Variants in ASAH2 observed in about 807,000 individuals in gnomAD.
The protein encoded by ASAH2 is N-acylsphingosine amidohydrolase 2.
Under a neutral mutation model 82.9 loss-of-function variants are expected in ASAH2, and 58 were observed. That is an observed-to-expected ratio of 0.70 (90% CI 0.57 to 0.87). The LOEUF (loss-of-function observed/expected upper bound fraction) is 0.87, where lower values mean the gene tolerates loss of function less well. Among genes scored for constraint, ASAH2 ranks in the 40% least tolerant of loss-of-function variants. The probability of loss-of-function intolerance (pLI) is 0.00; values close to 1 mark genes in which losing one functional copy is unlikely to be tolerated. For missense variants in ASAH2, 779 were observed against 834.0 expected (o/e 0.93, Z 0.81); for synonymous variants, 276 against 289.7 (o/e 0.95, Z 0.48).
At chr10:50,225,400 A>T (rs2133218317) in intron 7 of ASAH2, among the ~76,000 whole-genome samples, 1 of 152,338 alleles carries the variant, frequency 6.6e-6, no homozygotes, top group East Asian at 1.9e-4. Context: ...GCTGGGCGAC[A>T]GGGCGAGACT....
In ASAH2 at chr10:50,245,104, A is replaced by C. The variant is rs1589360950; in HGVS notation, c.360+118T>G. The C allele has an allele frequency of 1.4e-5, 13 of 943,030 alleles. No homozygotes were observed. In the East Asian group the frequency reaches 3.1e-4, roughly 23 times the overall value. 58.4% of individuals were successfully genotyped at this position (943,030 alleles called of 1,614,324 possible). On this transcript the variant is annotated intron_variant, in intron 3 of 20. Transcript: ENST00000682911. ...CATAGTGCTAGACAGCAGCAAGGTC[A>C]ATTAAAAAGCTAAAAGAAGATAATG...
chr10:50,201,162 C>T (rs1845138798), intron 16 of ASAH2, among the ~76,000 whole-genome samples: 1 of 151,990 alleles, frequency 6.6e-6, no homozygotes, highest in Non-Finnish European at 1.5e-5. Context: ...CTTCCCACAC[C>T]ATCCCCTTTC....
At chr10:50,206,897 C>T (rs1348817408) in intron 12 of ASAH2, among the ~76,000 whole-genome samples, 1 of 151,836 alleles carries the variant, frequency 6.6e-6, no homozygotes, top group African/African-American at 2.4e-5. Context: ...TTCTCACGTG[C>T]ACATGAAATA....
At chr10:50,196,229 T>C (rs1259663103) in intron 18 of ASAH2, among the ~76,000 whole-genome samples, 4 of 151,764 alleles carry the variant, frequency 2.6e-5, no homozygotes, top group African/African-American at 9.7e-5. Context: ...CTATTGAAGG[T>C]TCTAGCCAGT....
chr10:50,225,855 C>T (rs1845869113), intron 7 of ASAH2, among the ~76,000 whole-genome samples: 1 of 152,080 alleles, frequency 6.6e-6, no homozygotes, highest in African/African-American at 2.4e-5. Context: ...CTTTGGGAGG[C>T]CGAGGCGGGC....
chr10:50,202,939 T>C lies in ASAH2; in HGVS notation c.1666-15A>G, dbSNP rs1316586196. ...GATGCAAATTCCTAGGAGAGAAAGGTAAAACCCAATAAAATTACTCTTCAT... is the reference window on the plus strand; with the variant it reads ...GATGCAAATTCCTAGGAGAGAAAGGCAAAACCCAATAAAATTACTCTTCAT... On this transcript the variant is annotated splice_polypyrimidine_tract_variant and intron_variant, in intron 15 of 20. Transcript: ENST00000682911. The C allele has an allele frequency of 6.7e-7, 1 of 1,500,252 alleles. No individual in the cohort carries two copies. Among genetic ancestry groups the C allele is most frequent in the Non-Finnish European group, 9.3e-7 (1 of 1,076,922 alleles). 92.9% of individuals were successfully genotyped at this position (1,500,252 alleles called of 1,614,324 possible). A position where few individuals can be genotyped will look rare whatever the true frequency, so the allele number is the denominator to read the frequency against.
At chr10:50,233,685 A>T (rs1305113572) in intron 6 of ASAH2, among the ~76,000 whole-genome samples, 2 of 152,106 alleles carry the variant, frequency 1.3e-5, no homozygotes, top group Non-Finnish European at 2.9e-5. Flanking sequence ...AAGGGAAATC[A>T]GATTACATTT....
chr10:50,204,528 T>C (rs1220067968), intron 14 of ASAH2, among the ~76,000 whole-genome samples: 4 of 152,194 alleles, frequency 2.6e-5, no homozygotes, highest in Non-Finnish European at 2.9e-5. Flanking sequence ...TCTTCCATGC[T>C]TTTAATACCT....
intron 1 of ASAH2, among the ~76,000 whole-genome samples, chr10:50,251,110 T>C (rs1359421535): frequency 6.6e-6 from 1 of 152,222 alleles, no homozygotes; most frequent in Non-Finnish European, 1.5e-5. Flanking sequence ...AATAATTATA[T>C]CTTAAAGGAT....
At chr10:50,206,251 T>A (rs1396789421) in intron 12 of ASAH2, among the ~76,000 whole-genome samples, 154 bp from the exon 13 acceptor site, 2 of 151,884 alleles carry the variant, frequency 1.3e-5, no homozygotes, top group African/African-American at 4.8e-5. Flanking sequence ...AGTAATAGAA[T>A]AGGAAAAATG....
In ASAH2 at chr10:50,212,989, T is replaced by A. The variant is rs1303020686; in HGVS notation, c.1210A>T (p.Met404Leu). The change falls in exon 10 of 21, where the codon ATG (methionine) becomes TTG (leucine). Residue 404 changes from methionine to leucine, a missense_variant. By Grantham distance (15) the Met-to-Leu change is conservative. Transcript: ENST00000682911. ...TGGCTTACCTTTGCTCTCTGATACATGGCCCGTCCTATAATTTGTGTGCTG... is the reference window on the plus strand; with the variant it reads ...TGGCTTACCTTTGCTCTCTGATACAAGGCCCGTCCTATAATTTGTGTGCTG... The part of the protein sequence containing the change: ...FDSTQIIGRA[M>L]YQRAKELYAS... 6.2e-7 allele frequency: 1 copy of A among 1,613,602 alleles called. No individual in the cohort carries two copies. The highest frequency in any genetic ancestry group is 8.5e-7 in the Non-Finnish European group (1 of 1,179,670).
At chr10:50,234,382 C>G in intron 6 of ASAH2, 43 bp downstream of exon 6, 1 of 1,612,368 alleles carries the variant, frequency 6.2e-7, no homozygotes, top group South Asian at 1.1e-5. Context: ...TTGCTGTTCC[C>G]TAAAGGGAAT....
At chr10:50,225,086 A>T (rs1308680176) in intron 7 of ASAH2, among the ~76,000 whole-genome samples, 2 of 152,208 alleles carry the variant, frequency 1.3e-5, no homozygotes, top group Non-Finnish European at 2.9e-5. Context: ...ATCCTGAATG[A>T]AAAAGACCTT....
At chr10:50,227,030 G>T (rs1845904553) in intron 7 of ASAH2, among the ~76,000 whole-genome samples, 1 of 151,996 alleles carries the variant, frequency 6.6e-6, no homozygotes, top group Non-Finnish European at 1.5e-5. Flanking sequence ...GCACTGAAAA[G>T]GTGAGACAAA....
At chr10:50,219,936 G>T (rs2813316) in intron 7 of ASAH2, among the ~76,000 whole-genome samples, 114,841 of 152,096 alleles carry the variant, frequency 0.76, 45,608 homozygotes, top group Non-Finnish European at 0.88. Flanking sequence ...AACCAGTGCT[G>T]CCAGCTCTTC....
At chr10:50,203,828 T>C in intron 14 of ASAH2, 149 bp from the exon 15 acceptor site, 1 of 720,952 alleles carries the variant, frequency 1.4e-6, no homozygotes. Context: ...AAAGCTAAAC[T>C]TGAACTTTTT....
chr10:50,239,590 G>T (rs1846241915), intron 4 of ASAH2, among the ~76,000 whole-genome samples: 1 of 152,142 alleles, frequency 6.6e-6, no homozygotes, highest in Non-Finnish European at 1.5e-5. Flanking sequence ...AAACACTTAA[G>T]TTTGAATCCC....
rs1845499460 is a variant in ASAH2 at position 50,213,002 on chromosome 10, A to C, written c.1197T>G (p.Ile399Met). 1.2e-6 allele frequency: 2 copies of C among 1,613,746 alleles called. No homozygotes were observed. The highest frequency in any genetic ancestry group is 1.3e-5 in the African/African-American group (1 of 75,034). The change falls in exon 10 of 21, where the codon ATT becomes ATG. Residue 399 changes from isoleucine to methionine, a missense_variant. By Grantham distance (10) the Ile-to-Met change is conservative (BLOSUM62 1). Coordinates refer to ENST00000682911, the MANE Select transcript of ASAH2 (RefSeq NM_019893.4). ...PGQDMFDSTQ[I>M]IGRAMYQRAK... is the part of the protein sequence containing the mutation. ...CTCTCTGATACATGGCCCGTCCTAT[A>C]ATTTGTGTGCTGTCAAACATATCCT...
At position 50,233,107 on chromosome 10, in the gene ASAH2, A is replaced by G. The variant is rs1051116846; in HGVS notation, c.893+77T>C. On this transcript the variant is annotated intron_variant, in intron 7 of 20. Transcript: ENST00000682911. ...CTTATTCTCAGTGTGTGCTGGTACT[A>G]TTCTAGTCTCTTTTCCCTTCTCTTT... The G allele has an allele frequency of 3.9e-4, 424 of 1,088,448 alleles. 8 individuals are homozygous for G. In the South Asian group the frequency reaches 5.1e-3, roughly 13 times the overall value. 67.4% of individuals were successfully genotyped at this position (1,088,448 alleles called of 1,614,324 possible).
Sources: allele counts gnomAD v4.1 joint callset (sites outside exome capture counted in the v4.1 genomes callset), GRCh38; gene constraint gnomAD v4.1.1; transcripts MANE v1.5; gene names NCBI Gene and HGNC (gene_info 2026-07-23, HGNC 2026-07-21).